The following MAPRE2 variants were observed in gnomAD, a reference collection of about 807,000 sequenced individuals.
MAPRE2 encodes microtubule associated protein RP/EB family member 2.
MAPRE2 carries 13 observed loss-of-function variants against 43.2 expected under a neutral mutation model. The ratio of observed to expected loss-of-function variants is 0.30; its 90% CI spans 0.20 to 0.48. The LOEUF is 0.48. Among genes scored for constraint, MAPRE2 ranks in the 20% least tolerant of loss-of-function variants. The pLI, the probability that MAPRE2 is intolerant of heterozygous loss-of-function variation, is 0.99. For missense variants in MAPRE2, 161 were observed against 400.2 expected, an observed-to-expected ratio of 0.40 and a Z score of 5.10; for synonymous variants, 135 against 148.8, an observed-to-expected ratio of 0.91 and a Z score of 0.68.
chr18:35,017,625 T>G (rs2097039288), intron 2 of MAPRE2, among the ~76,000 whole-genome samples: 3 of 151,908 alleles, frequency 2.0e-5, no homozygotes, highest in Admixed American at 2.0e-4. Flanking sequence ...GAGTCTCAGC[T>G]TGAACATTAC....
At chr18:35,119,476 C>A (rs543879467) in intron 4 of MAPRE2, among the ~76,000 whole-genome samples, 4 of 152,340 alleles carry the variant, frequency 2.6e-5, no homozygotes, top group Non-Finnish European at 4.4e-5. Context: ...GTTAATTCCA[C>A]AAGGACAAGC....
chr18:34,986,314 A>C (rs921279111), intron 1 of MAPRE2, among the ~76,000 whole-genome samples: 9 of 152,138 alleles, frequency 5.9e-5, no homozygotes, highest in Non-Finnish European at 1.2e-4. Context: ...CTTAAATCTG[A>C]TCAATTTAAC....
intron 4 of MAPRE2, among the ~76,000 whole-genome samples, chr18:35,104,884 A>G (rs558335798): frequency 2.0e-5 from 3 of 152,200 alleles, no homozygotes; most frequent in South Asian, 4.1e-4. Context: ...TCTTAATGTC[A>G]TTTTCTAAAG....
intron 2 of MAPRE2, among the ~76,000 whole-genome samples, chr18:35,032,491 C>G (rs2097048284): frequency 1.3e-5 from 2 of 152,112 alleles, no homozygotes; most frequent in South Asian, 2.1e-4. Context: ...CTAGATGAAC[C>G]ATATGTGTTG....
At chr18:35,036,422 G>A (rs927246674), upstream of MAPRE2, among the ~76,000 whole-genome samples, 4 of 152,018 alleles carry the variant, frequency 2.6e-5, no homozygotes, top group African/African-American at 7.3e-5. Flanking sequence ...CCCTTCCTAT[G>A]GCACTTTGTG....
At chr18:35,125,574 T>C (rs1759898285) in intron 4 of MAPRE2, among the ~76,000 whole-genome samples, 1 of 152,234 alleles carries the variant, frequency 6.6e-6, no homozygotes, top group African/African-American at 2.4e-5. Flanking sequence ...AAGGAACACC[T>C]GCACCACACT....
intron 2 of MAPRE2, among the ~76,000 whole-genome samples, chr18:35,034,143 T>C (rs1023438858): frequency 5.3e-5 from 8 of 151,954 alleles, no homozygotes; most frequent in African/African-American, 1.9e-4. Context: ...CAAAACAGCA[T>C]GGTACTGGTA....
chr18:35,083,708 G>A (rs561666975), intron 2 of MAPRE2, among the ~76,000 whole-genome samples: 1 of 152,124 alleles, frequency 6.6e-6, no homozygotes, highest in Admixed American at 6.5e-5. Flanking sequence ...GAAATCACTG[G>A]TGTTAGAATC....
intron 2 of MAPRE2, among the ~76,000 whole-genome samples, chr18:35,076,015 T>C (rs1178646754): frequency 2.0e-5 from 3 of 152,236 alleles, no homozygotes; most frequent in African/African-American, 7.2e-5. Context: ...GTTTACTGTC[T>C]TTTGTAATGC....
chr18:35,005,547 G>A, exon 2 of MAPRE2: 1 of 1,541,574 alleles, frequency 6.5e-7, no homozygotes, highest in Non-Finnish European at 8.8e-7. Context: ...AAGCCTGGAT[G>A]CTCAAGGTAA....
chr18:35,029,274 C>T (rs1235695833), intron 2 of MAPRE2, among the ~76,000 whole-genome samples: 2 of 152,110 alleles, frequency 1.3e-5, no homozygotes, highest in Admixed American at 6.5e-5. Context: ...AGGAATTTCT[C>T]TTCCATTACT....
chr18:35,076,071 A>G (rs1907337032), intron 2 of MAPRE2, among the ~76,000 whole-genome samples: 1 of 152,230 alleles, frequency 6.6e-6, no homozygotes, highest in Admixed American at 6.5e-5. Flanking sequence ...ACTTTCATTT[A>G]CCAAACTGCT....
At chr18:35,126,138 T>C (rs541881057) in intron 4 of MAPRE2, among the ~76,000 whole-genome samples, 45 of 152,334 alleles carry the variant, frequency 3.0e-4, no homozygotes, top group African/African-American at 1.0e-3. Flanking sequence ...CTCTTCCCTC[T>C]CCCTCTCCCT....
intron 2 of MAPRE2, among the ~76,000 whole-genome samples, chr18:35,014,073 T>C (rs1198319008): frequency 1.3e-5 from 2 of 152,056 alleles, no homozygotes; most frequent in African/African-American, 4.8e-5. Flanking sequence ...CCATAGCCCT[T>C]TATTGCAACA....
intron 3 of MAPRE2, among the ~76,000 whole-genome samples, chr18:35,099,010 C>T (rs150673841): frequency 1.3e-5 from 2 of 152,288 alleles, no homozygotes; most frequent in African/African-American, 4.8e-5. Context: ...CCTGATGGCA[C>T]AATGGAAAGT....
At chr18:35,023,021 G>T (rs529440217) in intron 2 of MAPRE2, among the ~76,000 whole-genome samples, 6 of 152,094 alleles carry the variant, frequency 3.9e-5, no homozygotes, top group Non-Finnish European at 7.4e-5. Flanking sequence ...ATACTGTGTT[G>T]ATAAGAATAG....
At chr18:35,060,297 G>A (rs1434216656) in intron 1 of MAPRE2, among the ~76,000 whole-genome samples, 3 of 152,104 alleles carry the variant, frequency 2.0e-5, no homozygotes, top group African/African-American at 4.8e-5. Flanking sequence ...CTGAGTTGGC[G>A]GGGGAGGGGG....
At chr18:35,011,734 CA>C (rs901511063) in intron 2 of MAPRE2, among the ~76,000 whole-genome samples, 15 of 149,640 alleles carry the variant, frequency 1.0e-4, no homozygotes, top group African/African-American at 3.7e-4. Flanking sequence ...ATTTAGGTGG[CA>C]AAAAAAAGGA....
chr18:35,083,254 G>A (rs16966422), intron 2 of MAPRE2, among the ~76,000 whole-genome samples: 4,369 of 152,246 alleles, frequency 0.029, 201 homozygotes, highest in African/African-American at 0.1. Flanking sequence ...CATTAAAGTA[G>A]AAGGGTAATA....
Sources: gnomAD v4.1 joint callset for allele counts (sites outside exome capture counted in the v4.1 genomes callset) on GRCh38, gnomAD v4.1.1 for gene constraint, MANE v1.5 for transcripts, NCBI Gene and HGNC (gene_info 2026-07-23, HGNC 2026-07-21) for gene names.